The following NEGR1 variants were observed in gnomAD, a reference collection of about 807,000 sequenced individuals.
NEGR1 encodes IgLON family member 4.
Under a neutral mutation model 40.9 loss-of-function variants are expected in NEGR1, and 10 were observed. That is an observed-to-expected ratio of 0.24 (90% CI 0.15 to 0.42). The LOEUF (loss-of-function observed/expected upper bound fraction) is 0.42. NEGR1 is among the 10% of genes least tolerant of loss of function. NEGR1 has a pLI of 1.00. For synonymous variants in NEGR1, 185 were observed against 166.8 expected, an observed-to-expected ratio of 1.11 and a Z score of -0.84; for missense variants, 352 against 438.9, an observed-to-expected ratio of 0.80 and a Z score of 1.77.
At chr1:71,979,321 T>G (rs1646334967) in intron 1 of NEGR1, among the ~76,000 whole-genome samples, 1 of 152,072 alleles carries the variant, frequency 6.6e-6, no homozygotes, top group African/African-American at 2.4e-5. Flanking sequence ...TGAGTTTACC[T>G]ACATAACAAA....
intron 6 of NEGR1, among the ~76,000 whole-genome samples, chr1:71,488,845 T>G (rs1646905393): frequency 6.6e-6 from 1 of 151,694 alleles, no homozygotes. Flanking sequence ...AACTAGAGGT[T>G]TTTCTTCTCA....
At chr1:72,074,921 G>T (rs1008422089) in intron 1 of NEGR1, among the ~76,000 whole-genome samples, 1 of 151,958 alleles carries the variant, frequency 6.6e-6, no homozygotes, top group African/African-American at 2.4e-5. Flanking sequence ...ATAAATAGGT[G>T]GGAATCGTTT....
chr1:71,455,384 T>C (rs904880404), intron 6 of NEGR1, among the ~76,000 whole-genome samples: 2 of 152,196 alleles, frequency 1.3e-5, no homozygotes, highest in African/African-American at 4.8e-5. Context: ...TTAAGCAGCT[T>C]GTTCAAGTTC....
intron 1 of NEGR1, among the ~76,000 whole-genome samples, chr1:72,267,178 A>T (rs1166790941): frequency 6.6e-6 from 1 of 151,122 alleles, no homozygotes; most frequent in Non-Finnish European, 1.5e-5. Context: ...ACAGTGAGGT[A>T]ACCAATCGGA....
intron 6 of NEGR1, among the ~76,000 whole-genome samples, chr1:71,576,638 T>C (rs1288726287): frequency 6.6e-6 from 1 of 152,222 alleles, no homozygotes; most frequent in Admixed American, 6.5e-5. Context: ...TTTCCTATAA[T>C]AAGATAACCA....
At chr1:71,936,821 G>A (rs1645909630) in intron 1 of NEGR1, among the ~76,000 whole-genome samples, 1 of 152,158 alleles carries the variant, frequency 6.6e-6, no homozygotes, top group South Asian at 2.1e-4. Context: ...TAGTAGTCAG[G>A]CACATCAAGC....
chr1:72,058,166 C>T (rs111279415), intron 1 of NEGR1, among the ~76,000 whole-genome samples: 1,712 of 151,672 alleles, frequency 0.011, 30 homozygotes, highest in African/African-American at 0.039. Context: ...GAAACTTCAC[C>T]ATGACCAATA....
chr1:71,682,616 G>A (rs929129162), intron 4 of NEGR1, among the ~76,000 whole-genome samples: 2 of 152,000 alleles, frequency 1.3e-5, no homozygotes, highest in African/African-American at 2.4e-5. Context: ...TTTAAATAAC[G>A]CCTCTAGATT....
At chr1:71,742,478 A>G (rs1368138817) in intron 3 of NEGR1, among the ~76,000 whole-genome samples, 1 of 152,190 alleles carries the variant, frequency 6.6e-6, no homozygotes, top group Non-Finnish European at 1.5e-5. Flanking sequence ...AAAACAAATC[A>G]TTGAGCTAAA....
Position 71,576,864 on chromosome 1 carries a change from C to T in NEGR1, c.940+15953G>A, listed in dbSNP as rs1648981471. Among the ~76,000 whole-genome samples, 3 of 152,220 alleles carry T rather than the reference C, an allele frequency of 2.0e-5. No homozygotes were observed. In the South Asian group the frequency reaches 6.2e-4, roughly 32 times the overall value. On this transcript the variant is annotated intron_variant, in intron 6 of 6. Coordinates refer to ENST00000357731, the MANE Select transcript of NEGR1 (RefSeq NM_173808.3). Reference sequence around the variant, plus strand: ...GATTTGATGCTTTGAACTGAAGTGGCCACCTTGGACCAAAAAATAACCCTG... The same window carrying T: ...GATTTGATGCTTTGAACTGAAGTGGTCACCTTGGACCAAAAAATAACCCTG...
intron 1 of NEGR1, among the ~76,000 whole-genome samples, chr1:71,977,870 C>T (rs1478466050): frequency 6.7e-6 from 1 of 149,650 alleles, no homozygotes; most frequent in Non-Finnish European, 1.5e-5. Context: ...TTGGAAGGTA[C>T]AATTCAATAC....
intron 4 of NEGR1, among the ~76,000 whole-genome samples, chr1:71,664,013 T>G (rs1382492255): frequency 6.6e-6 from 1 of 152,208 alleles, no homozygotes; most frequent in African/African-American, 2.4e-5. Flanking sequence ...GATCCTTAAA[T>G]GTCAAAATAA....
At chr1:72,237,193 C>T (rs1046620424) in intron 1 of NEGR1, among the ~76,000 whole-genome samples, 3 of 151,922 alleles carry the variant, frequency 2.0e-5, no homozygotes, top group African/African-American at 7.2e-5. Context: ...TCATACAAAG[C>T]AAGTGTAATT....
chr1:72,268,484 A>G (rs1324652341), intron 1 of NEGR1, among the ~76,000 whole-genome samples: 1 of 151,460 alleles, frequency 6.6e-6, no homozygotes, highest in Non-Finnish European at 1.5e-5. Flanking sequence ...ATTACAATGT[A>G]AATTCAATAG....
chr1:72,041,456 A>T (rs1646953621), intron 1 of NEGR1, among the ~76,000 whole-genome samples: 1 of 143,076 alleles, frequency 7.0e-6, no homozygotes, highest in African/African-American at 2.6e-5. Flanking sequence ...TGTCTCCTAA[A>T]GTTGCACGTT....
chr1:72,188,677 T>C (rs1652701641), intron 1 of NEGR1, among the ~76,000 whole-genome samples: 1 of 151,472 alleles, frequency 6.6e-6, no homozygotes, highest in East Asian at 1.9e-4. Context: ...CAGGAGACAA[T>C]TGTTAGCTGA....
chr1:71,626,595 G>A (rs1650789723), intron 4 of NEGR1, among the ~76,000 whole-genome samples: 1 of 151,894 alleles, frequency 6.6e-6, no homozygotes, highest in Non-Finnish European at 1.5e-5. Context: ...AGGTCTTCAT[G>A]TCTAAAACAC....
intron 1 of NEGR1, among the ~76,000 whole-genome samples, chr1:71,988,545 CAAAAAAAAAAAAA>C (rs1197884975): frequency 5.0e-5 from 2 of 39,756 alleles, no homozygotes; most frequent in African/African-American, 8.9e-5. Context: ...GACTCCGTCT[CAAAAAAAAAAAAA>C]AAAAAAAAAA....
At chr1:71,831,244 A>G (rs1248595243) in intron 2 of NEGR1, among the ~76,000 whole-genome samples, 3 of 151,930 alleles carry the variant, frequency 2.0e-5, no homozygotes, top group African/African-American at 4.8e-5. Flanking sequence ...CAAGTACTCA[A>G]TATCACTGTG....
Sources: gnomAD v4.1 joint callset for allele counts (sites outside exome capture counted in the v4.1 genomes callset) on GRCh38, gnomAD v4.1.1 for gene constraint, MANE v1.5 for transcripts, NCBI Gene and HGNC (gene_info 2026-07-23, HGNC 2026-07-21) for gene names.